Variants in GABRA1 observed in about 807,000 individuals in gnomAD.
GABRA1 encodes gamma-aminobutyric acid receptor subunit alpha-1.
In GABRA1, 9 loss-of-function variants were observed where a neutral mutation model predicts 48.9. That is an observed-to-expected ratio of 0.18 (90% CI 0.11 to 0.32). The LOEUF (loss-of-function observed/expected upper bound fraction) is 0.32. Among genes scored for constraint, GABRA1 ranks in the 10% least tolerant of loss-of-function variants. The pLI, the probability that GABRA1 is intolerant of heterozygous loss-of-function variation, is 1.00. For synonymous variants in GABRA1, 210 were observed against 198.7 expected (o/e 1.06, Z -0.48); for missense variants, 285 against 553.8 (o/e 0.51, Z 4.87).
intron 3 of GABRA1, among the ~76,000 whole-genome samples, chr5:161,857,249 A>T (rs1328116416): frequency 1.3e-5 from 2 of 151,412 alleles, no homozygotes; most frequent in Non-Finnish European, 3.0e-5. Flanking sequence ...AAGTAACAAC[A>T]TTATGCAAAA....
chr5:161,897,046 C>T, intron 9 of GABRA1, 65 bp from the exon 10 acceptor site: 1 of 1,497,446 alleles, frequency 6.7e-7, no homozygotes, highest in African/African-American at 1.4e-5. Flanking sequence ...CCACCTTGCT[C>T]AGCAACTTAT....
Position 161,877,091 on chromosome 5 carries a change from C to A in GABRA1, c.559+1449C>A. ...CCAGGACTACATACATGTGCCACCA[C>A]GCCTGGCTGATTTGTAACTTTTTTG... On this transcript the variant is annotated intron_variant, in intron 6 of 9. Transcript: ENST00000393943. Among the ~76,000 whole-genome samples the A allele has an allele frequency of 2.0e-5, 3 of 152,174 alleles. No homozygotes were observed. The South Asian group carries it at 6.2e-4, about 32-fold the overall frequency.
chr5:161,891,125 G>C, intron 8 of GABRA1, 75 bp downstream of exon 8: 1 of 1,381,436 alleles, frequency 7.2e-7, no homozygotes, highest in Admixed American at 1.7e-5. Context: ...ACACTGCAAA[G>C]AGAAATAAAA....
At chr5:161,892,217 C>CA (rs1755122991) in intron 8 of GABRA1, among the ~76,000 whole-genome samples, 1 of 152,182 alleles carries the variant, frequency 6.6e-6, no homozygotes, top group African/African-American at 2.4e-5. Context: ...TATCAAGGTT[C>CA]ATTCCACAAA....
chr5:161,855,780 ATC>A (rs892190394), intron 3 of GABRA1, among the ~76,000 whole-genome samples: 3 of 151,406 alleles, frequency 2.0e-5, no homozygotes, highest in Non-Finnish European at 4.4e-5. Flanking sequence ...GTTGTAATGT[ATC>A]TGATTACTTT....
intron 5 of GABRA1, 26 bp from the exon 6 acceptor site, chr5:161,875,534 T>C: frequency 6.3e-7 from 1 of 1,580,958 alleles, no homozygotes; most frequent in Non-Finnish European, 8.7e-7. Context: ...ATATGGCTCT[T>C]GTTTGTATTC....
At chr5:161,885,193 A>C (rs1281410766) in intron 7 of GABRA1, among the ~76,000 whole-genome samples, 1 of 152,202 alleles carries the variant, frequency 6.6e-6, no homozygotes, top group Non-Finnish European at 1.5e-5. Flanking sequence ...TCAACTCCAC[A>C]GTAACGCTGA....
At chr5:161,896,401 T>C (rs1490457572) in intron 9 of GABRA1, among the ~76,000 whole-genome samples, 1 of 152,138 alleles carries the variant, frequency 6.6e-6, no homozygotes, top group East Asian at 1.9e-4. Context: ...TTAGGGATCA[T>C]AACACACAGA....
intron 6 of GABRA1, among the ~76,000 whole-genome samples, chr5:161,880,270 A>G (rs1477981523): frequency 6.6e-6 from 1 of 152,206 alleles, no homozygotes; most frequent in Non-Finnish European, 1.5e-5. Context: ...ATTCCATGTT[A>G]CCATAAACTC....
chr5:161,872,837 G>T (rs937536436), intron 4 of GABRA1, among the ~76,000 whole-genome samples: 15 of 152,062 alleles, frequency 9.9e-5, no homozygotes, highest in Non-Finnish European at 1.8e-4. Flanking sequence ...TGGAGGTGGG[G>T]TGTTACTTTC....
intron 3 of GABRA1, among the ~76,000 whole-genome samples, chr5:161,854,819 T>C (rs955091054): frequency 1.2e-4 from 18 of 151,564 alleles, no homozygotes; most frequent in Non-Finnish European, 1.5e-5. Context: ...TTATTTTACT[T>C]GGTATATCAA....
At chr5:161,868,914 G>A (rs374114125) in intron 4 of GABRA1, among the ~76,000 whole-genome samples, 62 of 152,158 alleles carry the variant, frequency 4.1e-4, no homozygotes, top group African/African-American at 1.3e-3. Context: ...CAGGAATAAG[G>A]AACAGCGTGT....
chr5:161,889,809 C>T (rs1755010726), intron 7 of GABRA1, among the ~76,000 whole-genome samples: 1 of 151,822 alleles, frequency 6.6e-6, no homozygotes, highest in African/African-American at 2.4e-5. Context: ...TATAGGACAG[C>T]CACCTTCAAT....
intron 8 of GABRA1, among the ~76,000 whole-genome samples, chr5:161,895,390 C>T (rs1040624566): frequency 2.6e-5 from 4 of 152,156 alleles, no homozygotes; most frequent in African/African-American, 4.8e-5. Context: ...ATGTTCAAAG[C>T]GCCAATTTAA....
rs924598562 is a variant in GABRA1 at position 161,899,715 on chromosome 5, G to A, written c.*2293G>A. 1 of 152,124 alleles carries A rather than the reference G, an allele frequency of 6.6e-6. No individual in the cohort carries two copies. The highest frequency in any genetic ancestry group is 6.5e-5 in the Admixed American group (1 of 15,268). 9.4% of individuals were successfully genotyped at this position (152,124 alleles called of 1,614,324 possible). On this transcript the variant is annotated 3_prime_UTR_variant, in exon 10 of 10. Transcript: ENST00000393943. ...ATGTAGTACTAGTTAAGTCTTCCTT[G>A]AAAATAAAGATACACTCTTATAGGG... is the stretch of plus-strand genomic sequence containing the variant.
At chr5:161,887,140 T>C (rs141308711) in intron 7 of GABRA1, among the ~76,000 whole-genome samples, 27 of 152,306 alleles carry the variant, frequency 1.8e-4, no homozygotes, top group South Asian at 4.1e-4. Context: ...TAAATTTGAT[T>C]ATAAGAAAAT....
intron 9 of GABRA1, 22 bp from the exon 10 acceptor site, chr5:161,897,089 G>T: frequency 3.7e-6 from 6 of 1,611,918 alleles, no homozygotes; most frequent in Non-Finnish European, 5.1e-6. Context: ...TAAACAAAAT[G>T]CATTGCTCTT....
In GABRA1 at chr5:161,876,500, G is replaced by A. The variant is rs1415991309; in HGVS notation, c.559+858G>A. Among the ~76,000 whole-genome samples the A allele has an allele frequency of 2.6e-5, 4 of 152,114 alleles. No individual in the cohort carries two copies. The South Asian group carries it at 6.2e-4, about 24-fold the overall frequency. On this transcript the variant is annotated intron_variant, in intron 6 of 9. Transcript: ENST00000393943. The stretch of plus-strand genomic sequence containing the variant: ...AGGCAGTCTAAATGACTATTTTGGT[G>A]AAGATATGATTCATAGAAAAATAAC...
intron 3 of GABRA1, among the ~76,000 whole-genome samples, chr5:161,857,491 G>T (rs181273692): frequency 1.4e-4 from 21 of 151,634 alleles, no homozygotes; most frequent in African/African-American, 4.6e-4. Context: ...GAATCAGTTT[G>T]CAAATACTGT....
Sources: allele counts gnomAD v4.1 joint callset (sites outside exome capture counted in the v4.1 genomes callset), GRCh38; gene constraint gnomAD v4.1.1; transcripts MANE v1.5; gene names NCBI Gene and HGNC (gene_info 2026-07-23, HGNC 2026-07-21).